ZNF808: variants seen among roughly 807,000 people sequenced by gnomAD.
ZNF808 encodes zinc finger protein 808.
Under a neutral mutation model 8.7 loss-of-function variants are expected in ZNF808, and 5 were observed. The ratio of observed to expected loss-of-function variants is 0.58; its 90% CI spans 0.30 to 1.21. ZNF808 has a LOEUF of 1.21. ZNF808 is among the 50% of genes most tolerant of loss of function. The probability of loss-of-function intolerance (pLI) is 0.07; values close to 1 mark genes in which losing one functional copy is unlikely to be tolerated. For synonymous variants in ZNF808, 380 were observed against 366.0 expected (o/e 1.04, Z -0.44); for missense variants, 1,103 against 1,098.4 (o/e 1.00, Z -0.06).
intron 2 of ZNF808, among the ~76,000 whole-genome samples, chr19:52,534,856 C>G (rs1420915883): frequency 6.6e-6 from 1 of 151,486 alleles, no homozygotes; most frequent in Non-Finnish European, 1.5e-5. Flanking sequence ...GCAACTGCAC[C>G]CCAGCATGGG....
At position 52,545,436 on chromosome 19, in the gene ZNF808, AATG is replaced by A. The variant is rs567377791; in HGVS notation, c.64-2073_64-2071del. ...AAGTTTTATTTTTTATAATAATTGT[AATG>A]ATTTTAAGTATTTTTCATTGTTGTC... On this transcript the variant is annotated intron_variant, in intron 3 of 4. Coordinates refer to ENST00000359798, the MANE Select transcript of ZNF808 (RefSeq NM_001039886.4). Among the ~76,000 whole-genome samples the A allele has an allele frequency of 1.2e-3, 188 of 152,326 alleles. 5 individuals are homozygous for A. The highest frequency in any genetic ancestry group is 9.0e-3 in the Admixed American group (138 of 15,300).
At position 52,554,072 on chromosome 19, in the gene ZNF808, C is replaced by G; in HGVS notation, c.1156C>G (p.Leu386Val). ...GAAGGCTTTTGCGTGTCATTCCTAT[C>G]TGGCAAACCATACTAGAATTCATAG... The part of the protein sequence containing the change: ...CEKAFACHSY[L>V]ANHTRIHSGE... Residue 386 changes from leucine to valine, a missense_variant, in exon 5 of 5, where the codon CTG becomes GTG. By Grantham distance (32) the Leu-to-Val change is conservative. Coordinates refer to ENST00000359798, the MANE Select transcript of ZNF808 (RefSeq NM_001039886.4). The G allele has an allele frequency of 6.2e-7, 1 of 1,614,114 alleles. No individual in the cohort carries two copies. Among genetic ancestry groups the G allele is most frequent in the South Asian group, 1.1e-5 (1 of 91,080 alleles).
intron 2 of ZNF808, among the ~76,000 whole-genome samples, chr19:52,535,097 T>C (rs2059592857): frequency 6.6e-6 from 1 of 150,488 alleles, no homozygotes; most frequent in African/African-American, 2.4e-5. Context: ...TTTGGGAGGC[T>C]GAGGTGGGCG....
At chr19:52,567,509 T>A (rs1443264828), downstream of ZNF808, among the ~76,000 whole-genome samples, 1 of 146,186 alleles carries the variant, frequency 6.8e-6, no homozygotes, top group Non-Finnish European at 1.5e-5. Flanking sequence ...TTATTATTAT[T>A]ATTATTATTA....
intron 1 of ZNF808, among the ~76,000 whole-genome samples, chr19:52,531,648 A>G (rs1313707683): frequency 2.6e-5 from 4 of 152,096 alleles, no homozygotes; most frequent in Non-Finnish European, 2.9e-5. Context: ...TCAGACCAGG[A>G]AGTCTGCATC....
downstream of ZNF808, among the ~76,000 whole-genome samples, chr19:52,557,409 G>T (rs994653361): frequency 6.6e-6 from 1 of 151,972 alleles, no homozygotes; most frequent in African/African-American, 2.4e-5. Context: ...TGGGATTACA[G>T]GTGCCCTCCA....
chr19:52,546,174 C>A (rs2059717846), intron 3 of ZNF808, among the ~76,000 whole-genome samples: 1 of 148,278 alleles, frequency 6.7e-6, no homozygotes, highest in South Asian at 2.1e-4. Context: ...ATGGCTATTG[C>A]TGTCATCATA....
At chr19:52,558,998 G>C (rs1004984988), downstream of ZNF808, among the ~76,000 whole-genome samples, 1 of 152,176 alleles carries the variant, frequency 6.6e-6, no homozygotes, top group Admixed American at 6.5e-5. Context: ...GCGAAAGGCC[G>C]CAGGAACCTC....
chr19:52,530,664 CAA>C (rs60540307), intron 1 of ZNF808, among the ~76,000 whole-genome samples: 1 of 148,430 alleles, frequency 6.7e-6, no homozygotes, highest in Non-Finnish European at 1.5e-5. Context: ...CTCCATCTGA[CAA>C]AAAAAAAGAG....
At chr19:52,545,746 T>C (rs1336634111) in intron 3 of ZNF808, among the ~76,000 whole-genome samples, 2 of 151,918 alleles carry the variant, frequency 1.3e-5, no homozygotes, top group East Asian at 3.9e-4. Flanking sequence ...TGCCACTGTA[T>C]TCCAGCCTGT....
At chr19:52,544,051 C>A (rs1269095515) in intron 3 of ZNF808, among the ~76,000 whole-genome samples, 7 of 152,056 alleles carry the variant, frequency 4.6e-5, no homozygotes, top group Non-Finnish European at 1.0e-4. Context: ...CTCAGCTACT[C>A]AGGAGGCTGA....
Position 52,555,666 on chromosome 19 carries a change from CAAT to C in ZNF808, c.*39_*41del. 1 of 1,574,500 alleles carries C rather than the reference CAAT, an allele frequency of 6.4e-7. No individual in the cohort carries two copies. The highest frequency in any genetic ancestry group is 8.6e-7 in the Non-Finnish European group (1 of 1,162,742). ...CACAAAGTCTTCAGTAACACTACAA[CAAT>C]TGCAAATCATTGGAGAATCCATGAT... is the stretch of plus-strand genomic sequence containing the variant. On this transcript the variant is annotated 3_prime_UTR_variant, in exon 5 of 5. Transcript: ENST00000359798.
intron 2 of ZNF808, 43 bp from the exon 3 acceptor site, chr19:52,543,223 T>C (rs1599988915): frequency 1.3e-6 from 2 of 1,595,696 alleles, no homozygotes; most frequent in East Asian, 4.5e-5. Flanking sequence ...AGGAAGGGAG[T>C]GAGTCATTTC....
intron 4 of ZNF808, among the ~76,000 whole-genome samples, chr19:52,551,804 A>C (rs2059779500): frequency 6.6e-6 from 1 of 151,898 alleles, no homozygotes; most frequent in South Asian, 2.1e-4. Context: ...GGAGTTTGAG[A>C]CCAGCCTGGC....
At chr19:52,562,536 C>T (rs2059861342) in intron 3 of ZNF808, among the ~76,000 whole-genome samples, 2 of 152,202 alleles carry the variant, frequency 1.3e-5, no homozygotes. Context: ...CCAATATGAA[C>T]ACTCAGACCA....
intron 4 of ZNF808, among the ~76,000 whole-genome samples, chr19:52,549,759 G>T (rs1233751533): frequency 6.6e-6 from 1 of 152,078 alleles, no homozygotes; most frequent in African/African-American, 2.4e-5. Flanking sequence ...TGCAAATACT[G>T]TTTCTTTCCA....
chr19:52,558,587 G>T (rs569925427), downstream of ZNF808, among the ~76,000 whole-genome samples: 6 of 151,288 alleles, frequency 4.0e-5, no homozygotes, highest in African/African-American at 1.5e-4. Context: ...GGCCAGGCTG[G>T]TCTTGAACTC....
At chr19:52,557,501 C>T (rs1245194109), downstream of ZNF808, among the ~76,000 whole-genome samples, 1 of 152,152 alleles carries the variant, frequency 6.6e-6, no homozygotes, top group Non-Finnish European at 1.5e-5. Flanking sequence ...CTCCTGACTT[C>T]AGGCGATCTG....
intron 4 of ZNF808, among the ~76,000 whole-genome samples, chr19:52,549,955 A>G (rs552990371): frequency 6.6e-6 from 1 of 152,138 alleles, no homozygotes; most frequent in East Asian, 1.9e-4. Context: ...CTTCAGAACC[A>G]CTGTCAGCAG....
Sources: allele counts gnomAD v4.1 joint callset (sites outside exome capture counted in the v4.1 genomes callset), GRCh38; gene constraint gnomAD v4.1.1; transcripts MANE v1.5; gene names NCBI Gene and HGNC (gene_info 2026-07-23, HGNC 2026-07-21).